WDR76: variants seen among roughly 807,000 people sequenced by gnomAD.
WDR76 encodes WD repeat domain 76, also known as WD repeat-containing protein 76.
A neutral mutation model predicts 70.2 loss-of-function variants in WDR76; 52 were observed. The observed-to-expected ratio is 0.74, with a 90% CI of 0.59 to 0.93. The LOEUF is 0.93. Ranked by LOEUF, WDR76 falls within the 40% of genes least tolerant of loss-of-function variation. The pLI, the probability that WDR76 is intolerant of heterozygous loss-of-function variation, is 0.00. For synonymous variants in WDR76, 292 were observed against 271.1 expected, an observed-to-expected ratio of 1.08 and a Z score of -0.76; for missense variants, 756 against 760.2, an observed-to-expected ratio of 0.99 and a Z score of 0.07.
Position 43,867,418 on chromosome 15 carries a change from G to T in WDR76, c.*1026G>T. 6.6e-6 allele frequency: 1 copy of T among 151,964 alleles called. No individual in the cohort carries two copies. Among genetic ancestry groups the T allele is most frequent in the East Asian group, 1.9e-4 (1 of 5,190 alleles). 9.4% of individuals were successfully genotyped at this position (151,964 alleles called of 1,614,324 possible). ...ACATGAAATCAAGTTAGATGACAATGACTGGTGTTGAAAAAAATGAAAAGG... is the reference window on the plus strand; with the variant it reads ...ACATGAAATCAAGTTAGATGACAATTACTGGTGTTGAAAAAAATGAAAAGG... On this transcript the variant is annotated 3_prime_UTR_variant, in exon 13 of 13. Transcript: ENST00000263795.
intron 8 of WDR76, among the ~76,000 whole-genome samples, chr15:43,848,085 A>AC (rs560962951): frequency 1.3e-3 from 190 of 151,714 alleles, no homozygotes; most frequent in African/African-American, 4.1e-3. Context: ...AAACAAACAA[A>AC]AAAAAAACTG....
At chr15:43,856,848 G>T in intron 9 of WDR76, 98 bp from the exon 10 acceptor site, 1 of 1,009,954 alleles carries the variant, frequency 9.9e-7, no homozygotes, top group Non-Finnish European at 1.4e-6. Context: ...GAGGTTATTT[G>T]GGTAAAGTGT....
At chr15:43,850,538 G>A (rs1024081874) in intron 8 of WDR76, among the ~76,000 whole-genome samples, 16 of 151,706 alleles carry the variant, frequency 1.1e-4, no homozygotes, top group Non-Finnish European at 1.5e-4. Context: ...CTCGTGATCC[G>A]CCCGCCTTGG....
At chr15:43,836,564 G>C (rs1265309868) in intron 4 of WDR76, among the ~76,000 whole-genome samples, 1 of 151,960 alleles carries the variant, frequency 6.6e-6, no homozygotes, top group Non-Finnish European at 1.5e-5. Flanking sequence ...GTCTCAATTT[G>C]TTTTTGCTTT....
intron 2 of WDR76, among the ~76,000 whole-genome samples, chr15:43,833,661 C>A (rs1418766212): frequency 6.8e-6 from 1 of 147,096 alleles, no homozygotes; most frequent in African/African-American, 2.5e-5. Context: ...GAGACGGAGT[C>A]TTGCTCTGTG....
At chr15:43,839,581 A>T (rs374118413) in intron 4 of WDR76, 24 bp from the exon 5 acceptor site, 1 of 1,593,434 alleles carries the variant, frequency 6.3e-7, no homozygotes, top group South Asian at 1.2e-5. Context: ...TGAGTATAAC[A>T]TGAGTTTTTC....
At chr15:43,842,752 T>G in intron 7 of WDR76, 81 bp downstream of exon 7, 3 of 1,324,332 alleles carry the variant, frequency 2.3e-6, no homozygotes, top group Non-Finnish European at 3.1e-6. Flanking sequence ...TTAGGGAATT[T>G]TGAAAGTGAG....
chr15:43,860,150 C>A (rs191114383), intron 11 of WDR76, among the ~76,000 whole-genome samples: 1 of 152,030 alleles, frequency 6.6e-6, no homozygotes, highest in Non-Finnish European at 1.5e-5. Flanking sequence ...GAGGCTGAGG[C>A]GGGAGGATCA....
chr15:43,834,968 G>A, intron 2 of WDR76, 93 bp from the exon 3 acceptor site: 1 of 1,007,370 alleles, frequency 9.9e-7, no homozygotes, highest in Non-Finnish European at 1.5e-6. Context: ...TTGAAGTAAA[G>A]TATTCATGTA....
At chr15:43,832,698 A>C (rs768188542) in intron 2 of WDR76, among the ~76,000 whole-genome samples, 3 of 148,082 alleles carry the variant, frequency 2.0e-5, no homozygotes, top group African/African-American at 5.0e-5. Flanking sequence ...TGCCCACCCA[A>C]AGTGCTTGGA....
Position 43,828,203 on chromosome 15 carries a change from A to C in WDR76, c.299A>C (p.Asn100Thr). Residue 100 changes from asparagine to threonine, a missense_variant, in exon 2 of 13, where the codon AAC becomes ACC. Coordinates refer to ENST00000263795, the MANE Select transcript of WDR76 (RefSeq NM_024908.4). ...AGGATTATACCTCCAAAGATGAAAA[A>C]CACATCTTCCAAGGCAGAATCCACG... is the stretch of plus-strand genomic sequence containing the variant. ...CRRIIPPKMK[N>T]TSSKAESTLQ... 6.2e-7 allele frequency: 1 copy of C among 1,614,178 alleles called. No individual in the cohort carries two copies. Among genetic ancestry groups the C allele is most frequent in the Non-Finnish European group, 8.5e-7 (1 of 1,180,036 alleles).
chr15:43,838,273 C>T (rs1177287667), intron 4 of WDR76, among the ~76,000 whole-genome samples: 1 of 152,136 alleles, frequency 6.6e-6, no homozygotes, highest in African/African-American at 2.4e-5. Context: ...GCAGCCTCTG[C>T]CTCCCAGGTT....
chr15:43,828,701 CAG>C (rs760249339), intron 2 of WDR76, among the ~76,000 whole-genome samples: 15 of 152,152 alleles, frequency 9.9e-5, no homozygotes, highest in Non-Finnish European at 2.1e-4. Context: ...TACAGTATAT[CAG>C]AAGTCATCAG....
intron 2 of WDR76, among the ~76,000 whole-genome samples, chr15:43,834,298 C>CTTTT (rs971086051): frequency 1.5e-5 from 2 of 132,172 alleles, no homozygotes; most frequent in African/African-American, 5.6e-5. Flanking sequence ...AAAAAAATAA[C>CTTTT]TTTTTTTTTT....
At chr15:43,841,201 G>GTTTTTTTTTT (rs910565504) in intron 5 of WDR76, among the ~76,000 whole-genome samples, 14 of 102,260 alleles carry the variant, frequency 1.4e-4, no homozygotes, top group African/African-American at 2.0e-4. Context: ...TTGTTTTTTT[G>GTTTTTTTTTT]TTTTTTTTTT....
intron 2 of WDR76, among the ~76,000 whole-genome samples, chr15:43,834,510 C>T (rs1215458442): frequency 4.6e-5 from 7 of 150,958 alleles, no homozygotes; most frequent in African/African-American, 1.7e-4. Flanking sequence ...CAGGATTTCA[C>T]CATGTTGGCC....
At chr15:43,853,926 C>CA (rs1001857402) in intron 9 of WDR76, among the ~76,000 whole-genome samples, 5 of 148,368 alleles carry the variant, frequency 3.4e-5, no homozygotes, top group East Asian at 2.0e-4. Context: ...CAAAAAAAAA[C>CA]AAAAAAACCC....
chr15:43,851,979 T>C (rs775869015), intron 9 of WDR76, among the ~76,000 whole-genome samples: 5 of 152,184 alleles, frequency 3.3e-5, no homozygotes, highest in Non-Finnish European at 5.9e-5. Flanking sequence ...TGAGGATTGC[T>C]TGAGCCCAGG....
At chr15:43,841,121 A>C (rs890969757) in intron 5 of WDR76, among the ~76,000 whole-genome samples, 2 of 150,984 alleles carry the variant, frequency 1.3e-5, no homozygotes, top group African/African-American at 4.9e-5. Flanking sequence ...CCCGGGTTCA[A>C]GTGATTCTCA....
Sources: allele counts gnomAD v4.1 joint callset (sites outside exome capture counted in the v4.1 genomes callset), GRCh38; gene constraint gnomAD v4.1.1; transcripts MANE v1.5; gene names NCBI Gene and HGNC (gene_info 2026-07-23, HGNC 2026-07-21).